The following ABHD5 variants were observed in gnomAD, a reference collection of about 807,000 sequenced individuals.
ABHD5 encodes abhydrolase domain containing 5, lysophosphatidic acid acyltransferase.
A neutral mutation model predicts 44.9 loss-of-function variants in ABHD5; 30 were observed. That is an observed-to-expected ratio of 0.67 (90% CI 0.50 to 0.91). ABHD5 has a LOEUF of 0.91. ABHD5 is among the 40% of genes least tolerant of loss of function. The pLI, the probability that ABHD5 is intolerant of heterozygous loss-of-function variation, is 0.00. For synonymous variants in ABHD5, 167 were observed against 147.0 expected (o/e 1.14, Z -0.99); for missense variants, 399 against 423.4 (o/e 0.94, Z 0.50).
chr3:43,728,720 G>A (rs1376117807), intron 7 of ABHD5, among the ~76,000 whole-genome samples: 2 of 152,084 alleles, frequency 1.3e-5, no homozygotes, highest in Non-Finnish European at 2.9e-5. Context: ...AAGTAAATCA[G>A]GTATCACACA....
At position 43,718,658 on chromosome 3, in the gene ABHD5, CAT is replaced by C. The variant is rs2084798917; in HGVS notation, c.*127_*128del. 2.2e-6 allele frequency: 2 copies of C among 907,512 alleles called. No individual in the cohort carries two copies. The highest frequency in any genetic ancestry group is 2.8e-5 in the South Asian group (2 of 72,544). 56.2% of individuals were successfully genotyped at this position (907,512 alleles called of 1,614,324 possible). A position where few individuals can be genotyped will look rare whatever the true frequency, so the allele number is the denominator to read the frequency against. On this transcript the variant is annotated 3_prime_UTR_variant, in exon 7 of 7. Transcript: ENST00000644371. Reference sequence around the variant, plus strand: ...GCAGCCTTCTTGACTATACTTTGCACATGTTTTCTTTAGGAATTCACTCACAC... The same window carrying C: ...GCAGCCTTCTTGACTATACTTTGCACGTTTTCTTTAGGAATTCACTCACAC...
In ABHD5 at chr3:43,690,962, G is replaced by T. The variant is rs765153342; in HGVS notation, c.-31G>T. ...CAGTCGGCCTGTCAGCCGGCTTCGA[G>T]ATAAGTCCCGGCGCTTGCGCGGCGG... On this transcript the variant is annotated 5_prime_UTR_variant, in exon 1 of 7. Transcript: ENST00000644371. 10 of 1,558,462 alleles carry T rather than the reference G, an allele frequency of 6.4e-6. No individual in the cohort carries two copies. Among genetic ancestry groups the T allele is most frequent in the Non-Finnish European group, 8.6e-6 (10 of 1,156,788 alleles).
Position 43,722,473 on chromosome 3 carries a change from C to CCAAGA in ABHD5, c.*3941_*3942insCAAGA, listed in dbSNP as rs2084848174. 6.6e-6 allele frequency: 1 copy of CCAAGA among 152,116 alleles called. No individual in the cohort carries two copies. Among genetic ancestry groups the CCAAGA allele is most frequent in the South Asian group, 2.1e-4 (1 of 4,830 alleles). The allele number at this position is 152,116 out of a possible 1,614,324, so 9.4% of individuals were successfully genotyped here. A position where few individuals can be genotyped will look rare whatever the true frequency, so the allele number is the denominator to read the frequency against. ...TCTCCTTGTTAGTGGTGGTAGGGAG[C>CCAAGA]TAGACAAGGATGGCAACTATTTCTG... On this transcript the variant is annotated 3_prime_UTR_variant, in exon 7 of 7. Coordinates refer to ENST00000644371, the MANE Select transcript of ABHD5 (RefSeq NM_016006.6).
intron 3 of ABHD5, among the ~76,000 whole-genome samples, chr3:43,704,826 GAGT>G (rs1165627623): frequency 6.6e-6 from 1 of 152,192 alleles, no homozygotes; most frequent in Non-Finnish European, 1.5e-5. Context: ...AATAAAACTA[GAGT>G]ACTGTCTCAG....
chr3:43,706,633 T>C (rs1165213041), intron 3 of ABHD5, among the ~76,000 whole-genome samples: 1 of 152,068 alleles, frequency 6.6e-6, no homozygotes, highest in African/African-American at 2.4e-5. Context: ...TAAAGTTTTG[T>C]GTAGAGATGG....
intron 3 of ABHD5, among the ~76,000 whole-genome samples, chr3:43,703,592 T>G (rs1288689507): frequency 6.6e-6 from 1 of 152,256 alleles, no homozygotes. Flanking sequence ...TTTGATCATC[T>G]TTTGGAAAGA....
intron 7 of ABHD5, among the ~76,000 whole-genome samples, chr3:43,730,059 A>G (rs900382531): frequency 6.6e-6 from 1 of 152,246 alleles, no homozygotes; most frequent in African/African-American, 2.4e-5. Flanking sequence ...TTCATCTTTT[A>G]TAAGAAATGA....
chr3:43,722,533 A>G lies in ABHD5; in HGVS notation c.*4001A>G, dbSNP rs1341378403. 6.6e-6 allele frequency: 1 copy of G among 152,224 alleles called. No individual in the cohort carries two copies. Among genetic ancestry groups the G allele is most frequent in the African/African-American group, 2.4e-5 (1 of 41,458 alleles). The allele number at this position is 152,224 out of a possible 1,614,324, so 9.4% of individuals were successfully genotyped here. On this transcript the variant is annotated 3_prime_UTR_variant, in exon 7 of 7. Transcript: ENST00000644371. ...TACCTTTTATTTTGAGGCCCTGTCA[A>G]TGTTTTATATAATAAACATTTTTTG... is the stretch of plus-strand genomic sequence containing the variant.
At chr3:43,691,983 C>G (rs1406099452) in intron 1 of ABHD5, among the ~76,000 whole-genome samples, 2 of 152,186 alleles carry the variant, frequency 1.3e-5, no homozygotes, top group Admixed American at 6.5e-5. Context: ...TAAATGACTT[C>G]TTGCACTTGT....
chr3:43,727,899 G>A (rs79016826), intron 7 of ABHD5, among the ~76,000 whole-genome samples: 7,693 of 152,204 alleles, frequency 0.051, 294 homozygotes, highest in South Asian at 0.12. Flanking sequence ...GTGAGCCACC[G>A]CACCTGGCCG....
chr3:43,703,287 C>A (rs2084568531), intron 3 of ABHD5, among the ~76,000 whole-genome samples: 1 of 143,826 alleles, frequency 7.0e-6, no homozygotes, highest in South Asian at 2.1e-4. Flanking sequence ...CCAAGCAATT[C>A]TTCTGCCTCA....
At chr3:43,724,565 GATTAA>G (rs1369952271), downstream of ABHD5, among the ~76,000 whole-genome samples, 3 of 152,246 alleles carry the variant, frequency 2.0e-5, no homozygotes. Flanking sequence ...ACACATAACT[GATTAA>G]ATTATGCTAC....
rs750266230 is a variant in ABHD5 at position 43,717,753 on chromosome 3, C to A, written c.856C>A (p.Pro286Thr). The A allele has an allele frequency of 2.5e-6, 4 of 1,614,134 alleles. No individual in the cohort carries two copies. Among genetic ancestry groups the A allele is most frequent in the Non-Finnish European group, 3.4e-6 (4 of 1,180,042 alleles). Residue 286 changes from proline (P) to threonine (T), a missense_variant, in exon 6 of 7, where the codon CCT (proline) becomes ACT (threonine). Pro to Thr is a conservative substitution (Grantham distance 38). Coordinates refer to ENST00000644371, the MANE Select transcript of ABHD5 (RefSeq NM_016006.6). ...GCTCCAGCGAATTGGTAAAATGCAC[C>A]CTGACATTCCAGTTTCAGTGATCTT... ...PMLQRIGKMHPDIPVSVIFGA... is the reference protein window; with the variant it reads ...PMLQRIGKMHTDIPVSVIFGA...
chr3:43,691,088 C>T lies in ABHD5; in HGVS notation c.47+49C>T, dbSNP rs753292060. 8.0e-6 allele frequency: 12 copies of T among 1,498,738 alleles called. No individual in the cohort carries two copies. In the South Asian group the frequency reaches 1.5e-4, roughly 19 times the overall value. 92.8% of individuals were successfully genotyped at this position (1,498,738 alleles called of 1,614,324 possible). ...TCGTGTGTCTCCGGCGCGCACCCTC[C>T]GCGCGGGCCGGGTTAGGGCCCAGCG... On this transcript the variant is annotated intron_variant, in intron 1 of 6. Transcript: ENST00000644371.
intron 3 of ABHD5, among the ~76,000 whole-genome samples, chr3:43,704,038 T>A (rs111736148): frequency 2.3e-5 from 3 of 132,196 alleles, no homozygotes; most frequent in Admixed American, 7.6e-5. Context: ...ATTTTCTTTT[T>A]TTTTTTTTTT....
intron 3 of ABHD5, 80 bp from the exon 4 acceptor site, chr3:43,711,629 A>G (rs918098381): frequency 1.1e-5 from 17 of 1,545,196 alleles, no homozygotes; most frequent in Middle Eastern, 1.7e-4. Context: ...TTCTACCTTT[A>G]TTTTATAAAT....
At chr3:43,725,978 G>T (rs1484999994), downstream of ABHD5, among the ~76,000 whole-genome samples, 1 of 151,876 alleles carries the variant, frequency 6.6e-6, no homozygotes, top group Admixed American at 6.6e-5. Context: ...CCATTCTCCT[G>T]CCTCAGCCTC....
chr3:43,728,801 C>T (rs556875757), intron 7 of ABHD5, among the ~76,000 whole-genome samples: 16 of 152,302 alleles, frequency 1.1e-4, no homozygotes, highest in Non-Finnish European at 2.1e-4. Context: ...AAGGCCTGAG[C>T]GCCTAGAGTG....
exon 8 of ABHD5, chr3:43,734,286 G>C (rs1697299605): frequency 6.6e-6 from 1 of 152,208 alleles, no homozygotes; most frequent in Non-Finnish European, 1.5e-5. Context: ...CTCCAGGTGG[G>C]ACCCAGTCTG....
Sources: gnomAD v4.1 joint callset for allele counts (sites outside exome capture counted in the v4.1 genomes callset) on GRCh38, gnomAD v4.1.1 for gene constraint, MANE v1.5 for transcripts, NCBI Gene and HGNC (gene_info 2026-07-23, HGNC 2026-07-21) for gene names.